BCL2L13: variants seen among roughly 807,000 people sequenced by gnomAD.
BCL2L13 encodes bcl-2-like protein 13.
Under a neutral mutation model 25.8 loss-of-function variants are expected in BCL2L13, and 13 were observed. The ratio of observed to expected loss-of-function variants is 0.50; its 90% confidence interval spans 0.33 to 0.80. The LOEUF is 0.80. Among genes scored for constraint, BCL2L13 ranks in the 30% least tolerant of loss-of-function variants. The pLI, the probability that BCL2L13 is intolerant of heterozygous loss-of-function variation, is 0.02. For missense variants in BCL2L13, 504 were observed against 574.9 expected, an observed-to-expected ratio of 0.88 and a Z score of 1.26; for synonymous variants, 244 against 230.3, an observed-to-expected ratio of 1.06 and a Z score of -0.54.
intron 2 of BCL2L13, among the ~76,000 whole-genome samples, chr22:17,670,128 A>C (rs959842245): frequency 6.6e-6 from 1 of 152,088 alleles, no homozygotes; most frequent in Non-Finnish European, 1.5e-5. Flanking sequence ...TGGTCTGTAT[A>C]CCTGTTGTTA....
intron 1 of BCL2L13, among the ~76,000 whole-genome samples, chr22:17,652,860 C>T (rs1429027959): frequency 2.0e-5 from 3 of 152,062 alleles, no homozygotes; most frequent in Non-Finnish European, 2.9e-5. Context: ...GTCAGGAGAT[C>T]GAGACCATCC....
In BCL2L13 at chr22:17,704,257, T is replaced by C. The variant is rs192673156; in HGVS notation, c.600+1871T>C. ...TGTGCCACCATGACCAGCTACTTTT[T>C]GTATTTTTAGTAGAGATAGGGCTTC... On this transcript the variant is annotated intron_variant, in intron 6 of 6. Coordinates refer to ENST00000317582, the MANE Select transcript of BCL2L13 (RefSeq NM_015367.4). 3.0e-3 allele frequency among the ~76,000 whole-genome samples: 458 copies of C among 152,180 alleles called. 5 individuals are homozygous for C. The highest frequency in any genetic ancestry group is 0.01 in the African/African-American group (424 of 41,538).
At chr22:17,698,803 T>G (rs2060347578) in intron 5 of BCL2L13, among the ~76,000 whole-genome samples, 1 of 152,188 alleles carries the variant, frequency 6.6e-6, no homozygotes, top group South Asian at 2.1e-4. Flanking sequence ...TTTTCTTTCC[T>G]GCTCCTCCCA....
At chr22:17,711,347 G>A (rs2060755394) in intron 6 of BCL2L13, among the ~76,000 whole-genome samples, 1 of 134,692 alleles carries the variant, frequency 7.4e-6, no homozygotes, top group Admixed American at 7.8e-5. Context: ...GGCCAGGCTG[G>A]AGCGCAGTGG....
intron 2 of BCL2L13, among the ~76,000 whole-genome samples, chr22:17,664,005 T>A (rs924822318): frequency 6.6e-6 from 1 of 152,094 alleles, no homozygotes; most frequent in African/African-American, 2.4e-5. Context: ...CGCGCCACCA[T>A]GCCTGGCTAA....
At chr22:17,704,376 C>T (rs967898203) in intron 6 of BCL2L13, among the ~76,000 whole-genome samples, 60 of 152,114 alleles carry the variant, frequency 3.9e-4, no homozygotes, top group African/African-American at 1.4e-3. Flanking sequence ...TGAGCCACTG[C>T]ACCTGGCCTT....
chr22:17,719,442 C>T (rs1390640155), intron 6 of BCL2L13, among the ~76,000 whole-genome samples: 3 of 152,008 alleles, frequency 2.0e-5, no homozygotes, highest in Non-Finnish European at 4.4e-5. Context: ...ATAATAAAAA[C>T]ATTCAAACAA....
At chr22:17,684,219 A>G (rs2059841685) in intron 3 of BCL2L13, among the ~76,000 whole-genome samples, 1 of 152,144 alleles carries the variant, frequency 6.6e-6, no homozygotes, top group African/African-American at 2.4e-5. Context: ...TAATTCTAGC[A>G]CTGTGGGAGG....
intron 1 of BCL2L13, among the ~76,000 whole-genome samples, chr22:17,654,635 A>T (rs1234340840): frequency 6.6e-6 from 1 of 151,184 alleles, no homozygotes; most frequent in Non-Finnish European, 1.5e-5. Context: ...TCTGTTAGCC[A>T]GGATGGTCTC....
chr22:17,635,319 C>A (rs2058087504), upstream of BCL2L13, among the ~76,000 whole-genome samples: 1 of 152,054 alleles, frequency 6.6e-6, no homozygotes, highest in Non-Finnish European at 1.5e-5. Context: ...GGGCGGATCA[C>A]AAGGTCAGGA....
chr22:17,709,013 C>A (rs1012268701), intron 6 of BCL2L13, among the ~76,000 whole-genome samples: 1 of 149,710 alleles, frequency 6.7e-6, no homozygotes, highest in Non-Finnish European at 1.5e-5. Flanking sequence ...AGGTGGGTGA[C>A]TCACAAGGTC....
At chr22:17,638,956 C>A in intron 1 of BCL2L13, 70 bp downstream of exon 1, 1 of 1,174,574 alleles carries the variant, frequency 8.5e-7, no homozygotes, top group Non-Finnish European at 1.1e-6. Flanking sequence ...TAGGAAAGTG[C>A]CCAGAGACCG....
intron 5 of BCL2L13, among the ~76,000 whole-genome samples, chr22:17,700,938 G>T (rs925741568): frequency 6.6e-6 from 1 of 152,064 alleles, no homozygotes; most frequent in Non-Finnish European, 1.5e-5. Flanking sequence ...GTATTTTGTC[G>T]TCCCTCAGTT....
At chr22:17,720,136 T>A (rs190437313) in intron 6 of BCL2L13, among the ~76,000 whole-genome samples, 3 of 142,974 alleles carry the variant, frequency 2.1e-5, no homozygotes, top group African/African-American at 7.6e-5. Flanking sequence ...ATGGTACACC[T>A]AGAAATGGTG....
At chr22:17,688,742 T>A (rs1429393445) in intron 3 of BCL2L13, among the ~76,000 whole-genome samples, 1 of 151,880 alleles carries the variant, frequency 6.6e-6, no homozygotes, top group Non-Finnish European at 1.5e-5. Flanking sequence ...CCTGTGGCCT[T>A]TTATAGCGCA....
rs1182148958 is a variant in BCL2L13, at chr22:17,721,181, AT to A, written c.601-5495del. 6.3e-3 allele frequency among the ~76,000 whole-genome samples: 825 copies of A among 130,420 alleles called. 5 individuals are homozygous for A. The highest frequency in any genetic ancestry group is 0.019 in the African/African-American group (674 of 34,974). 85.6% of individuals were successfully genotyped at this position (130,420 alleles called of 152,430 possible). A position where few individuals can be genotyped will look rare whatever the true frequency, so the allele number is the denominator to read the frequency against. On this transcript the variant is annotated intron_variant, in intron 6 of 6. Coordinates refer to ENST00000317582, the MANE Select transcript of BCL2L13 (RefSeq NM_015367.4). The stretch of plus-strand genomic sequence containing the variant: ...CGAGACTCCGTCTCAAAAAAAAAAA[AT>A]ATATATATATTTCCACGTGCCCCAC...
intron 2 of BCL2L13, among the ~76,000 whole-genome samples, chr22:17,666,200 A>ATTTTTAT (rs71201861): frequency 0.29 from 43,303 of 150,232 alleles, 6,874 homozygotes; most frequent in African/African-American, 0.41. Context: ...TTTTAAATGT[A>ATTTTTAT]TTTTTATTTT....
rs560950345 is a variant in BCL2L13 at position 17,703,954 on chromosome 22, T to C, written c.600+1568T>C. On this transcript the variant is annotated intron_variant, in intron 6 of 6. Transcript: ENST00000317582. ...GAATATTATGCACTCCCTTCTCAAC[T>C]TTCAGTTTTATGATGATGTAGTACA... is the stretch of plus-strand genomic sequence containing the variant. Among the ~76,000 whole-genome samples, 4 of 152,316 alleles carry C rather than the reference T, an allele frequency of 2.6e-5. No individual in the cohort carries two copies. In the East Asian group the frequency reaches 7.7e-4, roughly 29 times the overall value.
Position 17,727,808 on chromosome 22 carries a change from C to G in BCL2L13, c.*274C>G, listed in dbSNP as rs150473534. The G allele has an allele frequency of 2.4e-4, 121 of 499,836 alleles. 4 individuals carry two copies. The highest frequency in any genetic ancestry group is 1.7e-3 in the African/African-American group (88 of 52,014). The allele number at this position is 499,836 out of a possible 1,614,324, so 31.0% of individuals were successfully genotyped here. A position where few individuals can be genotyped will look rare whatever the true frequency, so the allele number is the denominator to read the frequency against. On this transcript the variant is annotated 3_prime_UTR_variant, in exon 7 of 7. Coordinates refer to ENST00000317582, the MANE Select transcript of BCL2L13 (RefSeq NM_015367.4). The stretch of plus-strand genomic sequence containing the variant: ...AGGACCGGGTTTCTCAGCCTTGGCA[C>G]TAGTGCTGTTCTGACCATTCTCTGT...
Sources: gnomAD v4.1 joint callset for allele counts (sites outside exome capture counted in the v4.1 genomes callset) on GRCh38, gnomAD v4.1.1 for gene constraint, MANE v1.5 for transcripts, NCBI Gene and HGNC (gene_info 2026-07-23, HGNC 2026-07-21) for gene names.